Variants in ATP8A1 observed in about 807,000 individuals in gnomAD.
ATP8A1 encodes the protein ATPase phospholipid transporting 8A1.
Under a neutral mutation model 177.7 loss-of-function variants are expected in ATP8A1, and 90 were observed. That is an observed-to-expected ratio of 0.51 (90% CI 0.43 to 0.60). The LOEUF (loss-of-function observed/expected upper bound fraction) is 0.60, where lower values mean the gene tolerates loss of function less well. Among genes scored for constraint, ATP8A1 ranks in the 20% least tolerant of loss-of-function variants. The probability of loss-of-function intolerance (pLI) is 0.00; values close to 1 mark genes in which losing one functional copy is unlikely to be tolerated. For missense variants in ATP8A1, 1,072 were observed against 1,392.8 expected, an observed-to-expected ratio of 0.77 and a Z score of 3.67; for synonymous variants, 493 against 485.9, an observed-to-expected ratio of 1.01 and a Z score of -0.19.
At chr4:42,640,900 G>A (rs2109545828) in intron 1 of ATP8A1, among the ~76,000 whole-genome samples, 1 of 151,808 alleles carries the variant, frequency 6.6e-6, no homozygotes, top group South Asian at 2.1e-4. Context: ...CACCAAGTAA[G>A]GAACATCACG....
chr4:42,618,926 T>C (rs1034385658), intron 4 of ATP8A1, among the ~76,000 whole-genome samples: 2 of 152,248 alleles, frequency 1.3e-5, no homozygotes, highest in Admixed American at 6.5e-5. Context: ...CATTTTCTAC[T>C]GTTAAGCCAA....
In ATP8A1 at chr4:42,409,076, G is replaced by A. The variant is rs1278816895; in HGVS notation, c.*3840C>T. 1 of 152,108 alleles carries A rather than the reference G, an allele frequency of 6.6e-6. No individual in the cohort carries two copies. The highest frequency in any genetic ancestry group is 2.4e-5 in the African/African-American group (1 of 41,430). 9.4% of individuals were successfully genotyped at this position (152,108 alleles called of 1,614,324 possible). On this transcript the variant is annotated 3_prime_UTR_variant, in exon 37 of 37. Transcript: ENST00000381668. ...CTACTTATTAAAAAAGTTGTGCAGAGGACCAATTAATTTGTCTACTGAATT... is the reference window on the plus strand; with the variant it reads ...CTACTTATTAAAAAAGTTGTGCAGAAGACCAATTAATTTGTCTACTGAATT...
intron 4 of ATP8A1, among the ~76,000 whole-genome samples, chr4:42,623,457 A>G (rs1295108259): frequency 6.6e-6 from 1 of 152,242 alleles, no homozygotes; most frequent in Non-Finnish European, 1.5e-5. Flanking sequence ...ATGCCCATCA[A>G]TGATAGACTG....
At chr4:42,429,933 A>T (rs1715078925) in intron 33 of ATP8A1, among the ~76,000 whole-genome samples, 2 of 152,190 alleles carry the variant, frequency 1.3e-5, no homozygotes, top group African/African-American at 4.8e-5. Context: ...AAATTCAGAA[A>T]CAGCAAGCCC....
chr4:42,484,185 A>G (rs138912407), intron 25 of ATP8A1, among the ~76,000 whole-genome samples: 74 of 152,348 alleles, frequency 4.9e-4, no homozygotes, highest in African/African-American at 1.6e-3. Context: ...GTAAAAGTAA[A>G]TTTTAAAAAG....
intron 25 of ATP8A1, among the ~76,000 whole-genome samples, chr4:42,475,007 G>A (rs1189054627): frequency 6.6e-6 from 1 of 152,032 alleles, no homozygotes; most frequent in Non-Finnish European, 1.5e-5. Flanking sequence ...ATGTTTATTT[G>A]CACCCAACAC....
At chr4:42,427,728 G>A (rs1226782672) in intron 33 of ATP8A1, among the ~76,000 whole-genome samples, 1 of 152,216 alleles carries the variant, frequency 6.6e-6, no homozygotes, top group Admixed American at 6.5e-5. Flanking sequence ...AAGGGCCCAT[G>A]GCCAGAGATT....
chr4:42,485,681 A>C lies in ATP8A1; in HGVS notation c.2152-13T>G. On this transcript the variant is annotated splice_polypyrimidine_tract_variant and intron_variant, in intron 24 of 36. Transcript: ENST00000381668. ...TTTCCCTTGTTCCCTGGAATATTAA[A>C]CAAGCAAAAATGCCATCAACATTTA... The C allele has an allele frequency of 6.2e-7, 1 of 1,603,374 alleles. No homozygotes were observed. Among genetic ancestry groups the C allele is most frequent in the Non-Finnish European group, 8.5e-7 (1 of 1,175,216 alleles).
At chr4:42,592,064 G>A (rs1041409213) in intron 6 of ATP8A1, among the ~76,000 whole-genome samples, 1 of 152,090 alleles carries the variant, frequency 6.6e-6, no homozygotes, top group African/African-American at 2.4e-5. Flanking sequence ...ATTCAAAGGA[G>A]CTAAGTAATG....
chr4:42,478,742 T>C (rs1424070962), intron 25 of ATP8A1, among the ~76,000 whole-genome samples: 1 of 152,218 alleles, frequency 6.6e-6, no homozygotes, highest in African/African-American at 2.4e-5. Flanking sequence ...CAGATATTTA[T>C]GGCCCTGGGT....
chr4:42,448,694 G>T (rs1717579737), intron 30 of ATP8A1, among the ~76,000 whole-genome samples: 1 of 149,460 alleles, frequency 6.7e-6, no homozygotes, highest in Admixed American at 6.7e-5. Context: ...TACTAAGCCT[G>T]GCCAACAAGT....
chr4:42,484,927 G>C (rs1722041080), intron 25 of ATP8A1, among the ~76,000 whole-genome samples: 1 of 152,184 alleles, frequency 6.6e-6, no homozygotes, highest in South Asian at 2.1e-4. Context: ...TAAATATGGG[G>C]AAGATTCCTT....
intron 4 of ATP8A1, among the ~76,000 whole-genome samples, chr4:42,621,805 A>G (rs1737485783): frequency 6.6e-6 from 1 of 152,228 alleles, no homozygotes; most frequent in South Asian, 2.1e-4. Flanking sequence ...AGCTGGAGGT[A>G]TCAATTATGC....
At chr4:42,639,323 A>G (rs1275889579) in intron 1 of ATP8A1, among the ~76,000 whole-genome samples, 1 of 152,196 alleles carries the variant, frequency 6.6e-6, no homozygotes, top group Non-Finnish European at 1.5e-5. Flanking sequence ...GGTGTTGTAA[A>G]AAACGTTAGA....
intron 29 of ATP8A1, among the ~76,000 whole-genome samples, chr4:42,452,789 T>C (rs1251840685): frequency 6.6e-6 from 1 of 152,226 alleles, no homozygotes; most frequent in African/African-American, 2.4e-5. Context: ...TTTAGAATTC[T>C]TATGGCCCCT....
intron 15 of ATP8A1, among the ~76,000 whole-genome samples, chr4:42,568,243 T>G (rs114105983): frequency 0.016 from 2,389 of 152,252 alleles, 42 homozygotes; most frequent in Non-Finnish European, 0.022. Context: ...TTACTGAAAA[T>G]TTTTACCAAA....
chr4:42,430,696 T>A (rs545256039), intron 33 of ATP8A1, among the ~76,000 whole-genome samples: 1 of 152,206 alleles, frequency 6.6e-6, no homozygotes, highest in South Asian at 2.1e-4. Flanking sequence ...GTTGTCATCA[T>A]TTAGCTCCCG....
intron 5 of ATP8A1, among the ~76,000 whole-genome samples, chr4:42,606,929 T>G (rs1278086916): frequency 1.3e-5 from 2 of 152,328 alleles, no homozygotes; most frequent in South Asian, 2.1e-4. Context: ...GACTATAAAC[T>G]GAGACAAGCA....
rs188887112 is a variant in ATP8A1, at chr4:42,506,760, A to G, written c.2086+256T>C. Among the ~76,000 whole-genome samples the G allele has an allele frequency of 2.8e-4, 42 of 152,320 alleles. 1 individual carries two copies. Among genetic ancestry groups the G allele is most frequent in the Admixed American group, 2.7e-3 (42 of 15,294 alleles). ...AACCTTCTTCTTTCCTATTATCTTA[A>G]AATAACCTTTGGTCACATAATCAAG... On this transcript the variant is annotated intron_variant, in intron 23 of 36. Coordinates refer to ENST00000381668, the MANE Select transcript of ATP8A1 (RefSeq NM_006095.2).
Sources: gnomAD v4.1 joint callset for allele counts (sites outside exome capture counted in the v4.1 genomes callset) on GRCh38, gnomAD v4.1.1 for gene constraint, MANE v1.5 for transcripts, NCBI Gene and HGNC (gene_info 2026-07-23, HGNC 2026-07-21) for gene names.